CSMD1: variants seen among roughly 807,000 people sequenced by gnomAD.
The protein encoded by CSMD1 is CUB and Sushi multiple domains 1, also known as CUB and sushi domain-containing protein 1.
A neutral mutation model predicts 417.5 loss-of-function variants in CSMD1; 213 were observed. That is an observed-to-expected ratio of 0.51 (90% CI 0.46 to 0.57). The LOEUF is 0.57. CSMD1 is among the 20% of genes least tolerant of loss of function. The probability of loss-of-function intolerance (pLI) is 0.00; values close to 1 mark genes in which losing one functional copy is unlikely to be tolerated. For missense variants in CSMD1, 6,923 were observed against 4,529.7 expected (o/e 1.53, Z -15.17); for synonymous variants, 2,862 against 1,736.8 (o/e 1.65, Z -16.11).
In CSMD1 at chr8:4,219,529, C is replaced by T. The variant is rs370154047; in HGVS notation, c.416-187430G>A. Among the ~76,000 whole-genome samples, 149 of 148,594 alleles carry T rather than the reference C, an allele frequency of 1.0e-3. No homozygotes were observed. The South Asian group carries it at 0.015, about 15-fold the overall frequency. On this transcript the variant is annotated intron_variant, in intron 3 of 69. Transcript: ENST00000635120. ...CAACATTTCTCGTGAACACCGCAAA[C>T]GTGACTTAAACATTTATGCTTATGT...
At chr8:4,036,781 A>C (rs1797640073) in intron 3 of CSMD1, among the ~76,000 whole-genome samples, 1 of 152,244 alleles carries the variant, frequency 6.6e-6, no homozygotes, top group African/African-American at 2.4e-5. Flanking sequence ...TGGCAGCACC[A>C]CTATTTCATT....
intron 5 of CSMD1, among the ~76,000 whole-genome samples, chr8:3,916,105 C>A (rs1037225816): frequency 3.3e-5 from 5 of 151,252 alleles, no homozygotes; most frequent in African/African-American, 1.2e-4. Context: ...ATGATTCTGT[C>A]AAAAAAGATA....
intron 5 of CSMD1, among the ~76,000 whole-genome samples, chr8:3,982,163 T>TAATAAC (rs1554506330): frequency 8.1e-5 from 6 of 74,262 alleles, no homozygotes; most frequent in Non-Finnish European, 1.6e-4. Flanking sequence ...ATCTCAAAAA[T>TAATAAC]AATAATAATA....
chr8:4,375,009 G>C (rs546345872), intron 3 of CSMD1, among the ~76,000 whole-genome samples: 2 of 151,208 alleles, frequency 1.3e-5, no homozygotes, highest in East Asian at 2.0e-4. Context: ...CAATAGTGGG[G>C]ACAGGGCAGG....
intron 1 of CSMD1, among the ~76,000 whole-genome samples, chr8:4,964,502 C>CAAAAAAA (rs10622416): frequency 9.4e-6 from 1 of 105,974 alleles, no homozygotes; most frequent in African/African-American, 3.8e-5. Flanking sequence ...ACCCTGTCTC[C>CAAAAAAA]AAAAAAAAAA....
chr8:4,572,501 G>T (rs1434108819), intron 2 of CSMD1, among the ~76,000 whole-genome samples: 1 of 152,156 alleles, frequency 6.6e-6, no homozygotes, highest in African/African-American at 2.4e-5. Context: ...TAGTCTGACG[G>T]GCTTGCCTTT....
chr8:3,896,969 G>T (rs1362092694), intron 5 of CSMD1, among the ~76,000 whole-genome samples: 6 of 151,726 alleles, frequency 4.0e-5, no homozygotes, highest in Admixed American at 3.9e-4. Context: ...TGCTTAACAT[G>T]ACATCCTAGA....
intron 2 of CSMD1, among the ~76,000 whole-genome samples, chr8:4,502,361 T>A (rs1428778179): frequency 6.6e-6 from 1 of 152,184 alleles, no homozygotes; most frequent in Non-Finnish European, 1.5e-5. Flanking sequence ...AAGTCCCTAC[T>A]GCAGTCTCTG....
chr8:4,242,424 G>C (rs1002518029), intron 3 of CSMD1, among the ~76,000 whole-genome samples: 1 of 152,164 alleles, frequency 6.6e-6, no homozygotes, highest in Non-Finnish European at 1.5e-5. Flanking sequence ...AGGATAAAAT[G>C]TATCATAATA....
chr8:4,841,276 T>C (rs534111109), intron 1 of CSMD1, among the ~76,000 whole-genome samples: 1 of 152,388 alleles, frequency 6.6e-6, no homozygotes, highest in East Asian at 1.9e-4. Context: ...CCTTTGGTTA[T>C]TGATTAGCCT....
Position 4,508,812 on chromosome 8 carries a change from T to G in CSMD1, c.303-88747A>C, listed in dbSNP as rs1395892353. ...ACAGCCAGTCATAATATGTCTACTATTTAAAAATATTAAATTTTAGTGGTT... is the reference window on the plus strand; with the variant it reads ...ACAGCCAGTCATAATATGTCTACTAGTTAAAAATATTAAATTTTAGTGGTT... On this transcript the variant is annotated intron_variant, in intron 2 of 69. Coordinates refer to ENST00000635120, the MANE Select transcript of CSMD1 (RefSeq NM_033225.6). Among the ~76,000 whole-genome samples the G allele has an allele frequency of 2.6e-5, 4 of 152,334 alleles. No individual in the cohort carries two copies. The South Asian group carries it at 6.2e-4, about 24-fold the overall frequency.
intron 5 of CSMD1, among the ~76,000 whole-genome samples, chr8:3,973,967 T>C (rs1487526405): frequency 6.6e-6 from 1 of 152,220 alleles, no homozygotes; most frequent in East Asian, 1.9e-4. Flanking sequence ...ATCCATTCCC[T>C]CAAGCATTTA....
intron 23 of CSMD1, among the ~76,000 whole-genome samples, chr8:3,317,432 C>G (rs750758236): frequency 2.0e-5 from 3 of 152,178 alleles, no homozygotes; most frequent in South Asian, 4.1e-4. Context: ...CACTCAATCA[C>G]ACAAGTGTGG....
chr8:3,581,935 G>T (rs966870911), intron 9 of CSMD1, among the ~76,000 whole-genome samples: 3 of 152,130 alleles, frequency 2.0e-5, no homozygotes, highest in Non-Finnish European at 4.4e-5. Context: ...CTCCCGAGTA[G>T]CTGGGATTAT....
chr8:4,296,076 G>A (rs778931936), intron 3 of CSMD1, among the ~76,000 whole-genome samples: 4 of 152,032 alleles, frequency 2.6e-5, no homozygotes, highest in Admixed American at 6.6e-5. Flanking sequence ...AAAATGATGT[G>A]CTCTCTGTTG....
intron 2 of CSMD1, among the ~76,000 whole-genome samples, chr8:4,619,375 C>G (rs1801646385): frequency 6.6e-6 from 1 of 152,058 alleles, no homozygotes; most frequent in African/African-American, 2.4e-5. Context: ...GACTGATGTC[C>G]AGTTTTGAGT....
intron 5 of CSMD1, among the ~76,000 whole-genome samples, chr8:3,992,552 G>C (rs1426053809): frequency 6.6e-6 from 1 of 152,206 alleles, no homozygotes; most frequent in Non-Finnish European, 1.5e-5. Flanking sequence ...GGGAGGCTGA[G>C]CCAGCAGAAT....
rs1433473914 is a variant in CSMD1 at position 3,974,858 on chromosome 8, C to G, written c.818+23045G>C. Among the ~76,000 whole-genome samples, 4 of 152,118 alleles carry G rather than the reference C, an allele frequency of 2.6e-5. No individual in the cohort carries two copies. The South Asian group carries it at 8.3e-4, about 32-fold the overall frequency. ...GTTTTACCAGAGTAAGATATAAAAT[C>G]AGGTGTTATCATAATTTAAGAATTT... On this transcript the variant is annotated intron_variant, in intron 5 of 69. Coordinates refer to ENST00000635120, the MANE Select transcript of CSMD1 (RefSeq NM_033225.6).
At chr8:4,025,910 T>G (rs1184408930) in intron 4 of CSMD1, among the ~76,000 whole-genome samples, 1 of 152,092 alleles carries the variant, frequency 6.6e-6, no homozygotes, top group African/African-American at 2.4e-5. Context: ...GGTGTCATTA[T>G]TCAGGGAAAA....
Sources: allele counts gnomAD v4.1 joint callset (sites outside exome capture counted in the v4.1 genomes callset), GRCh38; gene constraint gnomAD v4.1.1; transcripts MANE v1.5; gene names NCBI Gene and HGNC (gene_info 2026-07-23, HGNC 2026-07-21).